PDXDC1: variants seen among roughly 807,000 people sequenced by gnomAD.
PDXDC1 encodes the protein pyridoxal-dependent decarboxylase domain-containing protein 1.
A neutral mutation model predicts 100.1 loss-of-function variants in PDXDC1; 42 were observed. That is an observed-to-expected ratio of 0.42 (90% CI 0.33 to 0.54). The LOEUF (loss-of-function observed/expected upper bound fraction) is 0.54. Among genes scored for constraint, PDXDC1 ranks in the 20% least tolerant of loss-of-function variants. The pLI, the probability that PDXDC1 is intolerant of heterozygous loss-of-function variation, is 0.10. For missense variants in PDXDC1, 636 were observed against 979.2 expected (o/e 0.65, Z 4.68); for synonymous variants, 260 against 371.7 (o/e 0.70, Z 3.46).
Position 15,093,924 on chromosome 16 carries a change from G to C in PDXDC1, c.1400-44955G>C. 4 of 547,746 alleles carry C rather than the reference G, an allele frequency of 7.3e-6. No homozygotes were observed. The South Asian group carries it at 9.7e-5, about 13-fold the overall frequency. The allele number at this position is 547,746 out of a possible 1,614,324, so 33.9% of individuals were successfully genotyped here. On this transcript the variant is annotated intron_variant, in intron 16 of 16. Coordinates refer to the PDXDC1 transcript ENST00000535621. ...CACGAAGAGACACAGTCGGGAAAGGGGGCCTCCAGAACAGAGAACATAGTC... is the reference window on the plus strand; with the variant it reads ...CACGAAGAGACACAGTCGGGAAAGGCGGCCTCCAGAACAGAGAACATAGTC...
the PDXDC1 span, among the ~76,000 whole-genome samples, chr16:15,146,738 G>C: frequency 6.6e-6 from 1 of 152,108 alleles, no homozygotes; most frequent in Non-Finnish European, 1.5e-5. Flanking sequence ...CTCTGTGGCA[G>C]GGCAGGTCTC....
the PDXDC1 span, among the ~76,000 whole-genome samples, chr16:15,148,477 C>T: frequency 3.7e-3 from 539 of 146,944 alleles, 2 homozygotes; most frequent in South Asian, 0.012. Context: ...TTGACCTCCT[C>T]GGCTCAAGTG....
At chr16:15,079,962 G>C (rs1222404135) in intron 16 of PDXDC1, 13 of 1,549,474 alleles carry the variant, frequency 8.4e-6, no homozygotes, top group Non-Finnish European at 1.1e-5. Flanking sequence ...ATTCAAGTCA[G>C]TAAATGAAAA....
At chr16:15,152,177 A>G in the PDXDC1 span, among the ~76,000 whole-genome samples, 1 of 128,518 alleles carries the variant, frequency 7.8e-6, no homozygotes, top group East Asian at 2.2e-4. Context: ...GCTGTCCTCC[A>G]CCTGGAACTG....
chr16:15,014,342 G>A (rs1212550577), intron 8 of PDXDC1, among the ~76,000 whole-genome samples: 1 of 152,286 alleles, frequency 6.6e-6, no homozygotes, highest in East Asian at 1.9e-4. Flanking sequence ...AAACTGGAGG[G>A]GCTGCAGTTT....
intron 16 of PDXDC1, among the ~76,000 whole-genome samples, chr16:15,051,817 C>T (rs1387586396): frequency 6.6e-6 from 1 of 151,698 alleles, no homozygotes; most frequent in Non-Finnish European, 1.5e-5. Context: ...CCTCCCACCT[C>T]AGCCTCCTTT....
downstream of PDXDC1, chr16:15,041,618 C>T (rs2043819693): frequency 6.2e-7 from 1 of 1,606,202 alleles, no homozygotes; most frequent in Non-Finnish European, 8.5e-7. Flanking sequence ...AATGGCAGGA[C>T]TTACCTGTCA....
chr16:15,099,012 A>G (rs879622092), intron 16 of PDXDC1, among the ~76,000 whole-genome samples: 2 of 152,210 alleles, frequency 1.3e-5, no homozygotes, highest in Non-Finnish European at 2.9e-5. Context: ...GTGCCAATGT[A>G]CACTTCCAGC....
At chr16:15,094,221 G>A in intron 16 of PDXDC1, 1 of 1,592,566 alleles carries the variant, frequency 6.3e-7, no homozygotes, top group Non-Finnish European at 8.5e-7. Context: ...GTGTGAAGCA[G>A]CGGTGCCGCC....
intron 1 of PDXDC1, chr16:14,976,800 A>G (rs1437419631): frequency 6.6e-6 from 1 of 152,550 alleles, no homozygotes; most frequent in Admixed American, 6.5e-5. Flanking sequence ...CTGGCCCAAA[A>G]TGTCAGCAGT....
At chr16:15,042,898 A>C (rs1244439612), downstream of PDXDC1, among the ~76,000 whole-genome samples, 1 of 133,360 alleles carries the variant, frequency 7.5e-6, no homozygotes, top group East Asian at 2.1e-4. Flanking sequence ...ATGCCCAGCT[A>C]ATTTTTTTTT....
At chr16:15,064,509 A>G (rs1257890667) in intron 16 of PDXDC1, among the ~76,000 whole-genome samples, 1 of 152,190 alleles carries the variant, frequency 6.6e-6, no homozygotes, top group South Asian at 2.1e-4. Flanking sequence ...GTGCAACAGA[A>G]TGGTATGTGG....
At chr16:15,085,371 G>C (rs1417998992) in intron 16 of PDXDC1, among the ~76,000 whole-genome samples, 1 of 151,854 alleles carries the variant, frequency 6.6e-6, no homozygotes, top group East Asian at 1.9e-4. Flanking sequence ...AGCAGGGCTT[G>C]AACTCCTGGG....
chr16:15,072,726 G>A (rs2045289007), intron 16 of PDXDC1, among the ~76,000 whole-genome samples: 1 of 152,136 alleles, frequency 6.6e-6, no homozygotes, highest in African/African-American at 2.4e-5. Flanking sequence ...AGCCCAAGAG[G>A]TGGAGGTTGC....
chr16:15,140,871 C>A (rs1441480835), downstream of PDXDC1, among the ~76,000 whole-genome samples: 1 of 152,118 alleles, frequency 6.6e-6, no homozygotes, highest in Admixed American at 6.5e-5. Flanking sequence ...CCCCCTGCTC[C>A]CCAGGACCCC....
intron 16 of PDXDC1, among the ~76,000 whole-genome samples, chr16:15,080,903 A>T (rs1188235395): frequency 6.6e-6 from 1 of 151,796 alleles, no homozygotes; most frequent in African/African-American, 2.4e-5. Context: ...CATGTAAACC[A>T]TTCCTCTCAT....
chr16:14,987,698 G>A (rs557198315), intron 1 of PDXDC1, among the ~76,000 whole-genome samples: 108 of 152,368 alleles, frequency 7.1e-4, no homozygotes, highest in African/African-American at 2.4e-3. Flanking sequence ...TGCAGCCTCC[G>A]CCTCCCAGGT....
At chr16:15,053,315 A>G (rs2044367838) in intron 16 of PDXDC1, among the ~76,000 whole-genome samples, 1 of 152,178 alleles carries the variant, frequency 6.6e-6, no homozygotes, top group Admixed American at 6.5e-5. Flanking sequence ...GAATAGCAGT[A>G]ACTCTTGCTG....
chr16:15,094,442 GC>G lies in PDXDC1; in HGVS notation c.1400-44436del, dbSNP rs2046277710. 8.3e-5 allele frequency: 50 copies of G among 605,410 alleles called. 1 individual carries two copies. The South Asian group carries it at 9.6e-4, about 12-fold the overall frequency. 37.5% of individuals were successfully genotyped at this position (605,410 alleles called of 1,614,324 possible). On this transcript the variant is annotated intron_variant, in intron 16 of 16. Transcript: ENST00000535621. ...AGGACTTGTTCCAGCCAGCGCTAGT[GC>G]GTGAGTATAAGGAGAGACGGGAAGG...
Sources: gnomAD v4.1 joint callset for allele counts (sites outside exome capture counted in the v4.1 genomes callset) on GRCh38, gnomAD v4.1.1 for gene constraint, MANE v1.5 for transcripts, NCBI Gene and HGNC (gene_info 2026-07-23, HGNC 2026-07-21) for gene names.